The following ZNF407 variants were observed in gnomAD, a reference collection of about 807,000 sequenced individuals.
The protein encoded by ZNF407 is zinc finger protein 407.
ZNF407 carries 17 observed loss-of-function variants against 131.2 expected under a neutral mutation model. The observed-to-expected ratio is 0.13, with a 90% CI of 0.09 to 0.19. ZNF407 has a LOEUF of 0.19. Among genes scored for constraint, ZNF407 ranks in the 10% least tolerant of loss-of-function variants. The pLI, the probability that ZNF407 is intolerant of heterozygous loss-of-function variation, is 1.00. For synonymous variants in ZNF407, 1,156 were observed against 1,062.0 expected, an observed-to-expected ratio of 1.09 and a Z score of -1.72; for missense variants, 2,681 against 2,830.6, an observed-to-expected ratio of 0.95 and a Z score of 1.20.
At chr18:74,947,731 CAGGT>C (rs1341870378) in intron 8 of ZNF407, among the ~76,000 whole-genome samples, 1 of 152,208 alleles carries the variant, frequency 6.6e-6, no homozygotes, top group Admixed American at 6.5e-5. Flanking sequence ...TACAGACAAA[CAGGT>C]AGGCAGGACC....
intron 1 of ZNF407, among the ~76,000 whole-genome samples, chr18:74,624,585 A>T (rs1301357872): frequency 6.6e-6 from 1 of 152,102 alleles, no homozygotes; most frequent in African/African-American, 2.4e-5. Flanking sequence ...AATCTTCCTA[A>T]AGCAGGGCTG....
At chr18:74,685,305 G>A (rs1416780034) in intron 3 of ZNF407, among the ~76,000 whole-genome samples, 1 of 152,168 alleles carries the variant, frequency 6.6e-6, no homozygotes, top group Non-Finnish European at 1.5e-5. Flanking sequence ...CACGTGAAGA[G>A]ATGTGGTTAT....
intron 4 of ZNF407, among the ~76,000 whole-genome samples, chr18:74,819,344 G>C (rs1450562470): frequency 1.3e-5 from 2 of 152,060 alleles, no homozygotes; most frequent in Non-Finnish European, 2.9e-5. Flanking sequence ...GTTTGTTTTG[G>C]TTTCTGAGAG....
At chr18:74,868,699 C>G (rs555338062) in intron 4 of ZNF407, among the ~76,000 whole-genome samples, 69 of 152,324 alleles carry the variant, frequency 4.5e-4, no homozygotes, top group African/African-American at 1.6e-3. Flanking sequence ...TCCATCACAC[C>G]ACTTGGCTCT....
At chr18:74,604,042 A>T (rs117991931) in intron 1 of ZNF407, among the ~76,000 whole-genome samples, 2,148 of 152,282 alleles carry the variant, frequency 0.014, 39 homozygotes, top group Admixed American at 0.056. Flanking sequence ...GGGGTCTGGT[A>T]CCTACAGAGC....
intron 8 of ZNF407, among the ~76,000 whole-genome samples, chr18:74,958,014 A>G (rs1369133909): frequency 6.6e-6 from 1 of 152,210 alleles, no homozygotes; most frequent in Admixed American, 6.5e-5. Flanking sequence ...GAAGCCTTCT[A>G]GGAACTGCTC....
At chr18:74,733,575 T>G (rs376113776) in intron 3 of ZNF407, among the ~76,000 whole-genome samples, 2 of 152,230 alleles carry the variant, frequency 1.3e-5, no homozygotes, top group East Asian at 3.8e-4. Flanking sequence ...TAGAATCTTG[T>G]GATTTCTAGT....
chr18:74,762,190 A>G (rs536255807), intron 3 of ZNF407, among the ~76,000 whole-genome samples: 1 of 152,070 alleles, frequency 6.6e-6, no homozygotes, highest in East Asian at 1.9e-4. Flanking sequence ...TTAGGAAACA[A>G]TGTCTGGTCT....
At chr18:74,863,924 T>A (rs139938223) in intron 4 of ZNF407, among the ~76,000 whole-genome samples, 248 of 152,330 alleles carry the variant, frequency 1.6e-3, no homozygotes, top group Middle Eastern at 0.014. Context: ...TTTATTGTAA[T>A]GTTATTTTCT....
At chr18:75,017,702 G>A (rs1973061276) in intron 8 of ZNF407, among the ~76,000 whole-genome samples, 1 of 152,128 alleles carries the variant, frequency 6.6e-6, no homozygotes, top group Non-Finnish European at 1.5e-5. Context: ...CTTCCACCAT[G>A]TGTTGTGGTC....
chr18:74,701,990 A>G (rs1054232975), intron 3 of ZNF407, among the ~76,000 whole-genome samples: 1 of 152,228 alleles, frequency 6.6e-6, no homozygotes. Flanking sequence ...TGGTATGCAC[A>G]TAGTGCTCTG....
rs776164748 is a variant in ZNF407, at chr18:74,877,271, C to A, written c.4952C>A (p.Thr1651Lys). Residue 1651 changes from threonine (T) to lysine (K), a missense_variant, in exon 5 of 9, where the codon ACG becomes AAG. By Grantham distance (78) the Thr-to-Lys change is moderately conservative (BLOSUM62 -1). Transcript: ENST00000299687. ...CTGAACAACCACATGAAACTCCACACGGGAGAAAAGCCGTTTAAATGTACC... is the reference window on the plus strand; with the variant it reads ...CTGAACAACCACATGAAACTCCACAAGGGAGAAAAGCCGTTTAAATGTACC... ...WALNNHMKLH[T>K]GEKPFKCTWP... 6 of 1,613,840 alleles carry A rather than the reference C, an allele frequency of 3.7e-6. No homozygotes were observed. The highest frequency in any genetic ancestry group is 1.3e-5 in the African/African-American group (1 of 74,936).
At chr18:74,801,026 A>C (rs1386596586) in intron 4 of ZNF407, among the ~76,000 whole-genome samples, 1 of 152,044 alleles carries the variant, frequency 6.6e-6, no homozygotes, top group Admixed American at 6.5e-5. Flanking sequence ...AATCCTAGAC[A>C]TTTAGGCACT....
intron 8 of ZNF407, among the ~76,000 whole-genome samples, chr18:75,058,202 C>T (rs1973583609): frequency 6.6e-6 from 1 of 152,150 alleles, no homozygotes; most frequent in African/African-American, 2.4e-5. Flanking sequence ...GCTTCAAGCA[C>T]GCAGAAGGAG....
chr18:74,775,599 G>A (rs1304764321), intron 3 of ZNF407, among the ~76,000 whole-genome samples: 2 of 152,172 alleles, frequency 1.3e-5, no homozygotes, highest in Admixed American at 6.5e-5. Context: ...ATACTCGACA[G>A]CAACTTCACC....
At chr18:74,618,475 C>T (rs1167030017) in intron 1 of ZNF407, among the ~76,000 whole-genome samples, 1 of 152,196 alleles carries the variant, frequency 6.6e-6, no homozygotes, top group East Asian at 1.9e-4. Context: ...CCAAGTGTCT[C>T]TGACTGTTAA....
chr18:74,785,547 A>G (rs777933265), intron 4 of ZNF407, among the ~76,000 whole-genome samples: 3 of 152,202 alleles, frequency 2.0e-5, no homozygotes, highest in Non-Finnish European at 4.4e-5. Context: ...ATAATAGGAC[A>G]TGGCATTGTA....
intron 4 of ZNF407, among the ~76,000 whole-genome samples, chr18:74,813,647 G>A (rs1443675877): frequency 6.6e-6 from 1 of 152,100 alleles, no homozygotes; most frequent in Non-Finnish European, 1.5e-5. Flanking sequence ...TGGCTGACCT[G>A]GAATCACCAA....
chr18:74,872,754 CAAAAAAAAAAAGAAA>C lies in ZNF407; in HGVS notation c.4878-4426_4878-4412del, dbSNP rs983766958. Among the ~76,000 whole-genome samples the C allele has an allele frequency of 8.1e-4, 55 of 68,106 alleles. 1 individual carries two copies. Among genetic ancestry groups the C allele is most frequent in the Non-Finnish European group, 1.4e-3 (49 of 34,800 alleles). 44.7% of individuals were successfully genotyped at this position (68,106 alleles called of 152,430 possible). On this transcript the variant is annotated intron_variant, in intron 4 of 8. Coordinates refer to ENST00000299687, the MANE Select transcript of ZNF407 (RefSeq NM_017757.3). ...CTGGTGGCAGAGCGAGACTCAGTCT[CAAAAAAAAAAAGAAA>C]AAAAAAAAAAAGAAAAGATATACTA...
Sources: allele counts gnomAD v4.1 joint callset (sites outside exome capture counted in the v4.1 genomes callset), GRCh38; gene constraint gnomAD v4.1.1; transcripts MANE v1.5; gene names NCBI Gene and HGNC (gene_info 2026-07-23, HGNC 2026-07-21).